Variants in OPCML observed in about 807,000 individuals in gnomAD.
OPCML encodes opioid binding protein/cell adhesion molecule like, also known as opioid-binding protein/cell adhesion molecule.
A neutral mutation model predicts 37.8 loss-of-function variants in OPCML; 13 were observed. The observed-to-expected ratio is 0.34, with a 90% CI of 0.22 to 0.55. The LOEUF is 0.55. Ranked by LOEUF, OPCML falls within the 20% of genes least tolerant of loss-of-function variation. The pLI is 0.91. For missense variants in OPCML, 341 were observed against 435.6 expected (o/e 0.78, Z 1.93); for synonymous variants, 176 against 168.8 (o/e 1.04, Z -0.33).
At chr11:133,431,103 G>A (rs1348709405) in intron 1 of OPCML, among the ~76,000 whole-genome samples, 1 of 152,076 alleles carries the variant, frequency 6.6e-6, no homozygotes, top group Non-Finnish European at 1.5e-5. Context: ...TATCTTCATT[G>A]CAAAATAAGA....
At chr11:133,005,376 T>C in intron 1 of OPCML, 1 of 985,418 alleles carries the variant, frequency 1.0e-6, no homozygotes, top group Non-Finnish European at 1.2e-6. Context: ...AAATGCCGTT[T>C]CTCAGATATC....
chr11:132,724,858 C>T (rs1483908461), intron 2 of OPCML, among the ~76,000 whole-genome samples: 1 of 152,194 alleles, frequency 6.6e-6, no homozygotes, highest in African/African-American at 2.4e-5. Flanking sequence ...TCTTAAAGCT[C>T]CAAAATGATC....
chr11:132,647,018 A>G (rs1941185277), intron 3 of OPCML, among the ~76,000 whole-genome samples: 1 of 152,234 alleles, frequency 6.6e-6, no homozygotes, highest in South Asian at 2.1e-4. Flanking sequence ...ATTAGACTAC[A>G]ATGCCTTAAG....
intron 1 of OPCML, among the ~76,000 whole-genome samples, chr11:133,337,620 C>T (rs1274140878): frequency 1.3e-5 from 2 of 152,102 alleles, no homozygotes; most frequent in Admixed American, 6.6e-5. Context: ...GAGGAAGAGA[C>T]TCCTCATATC....
intron 1 of OPCML, among the ~76,000 whole-genome samples, chr11:133,411,838 T>G (rs762940980): frequency 8.5e-5 from 13 of 152,166 alleles, no homozygotes; most frequent in South Asian, 2.1e-4. Context: ...ATGAGAAAGT[T>G]TTTCTGTTTA....
intron 1 of OPCML, among the ~76,000 whole-genome samples, chr11:133,355,087 A>G (rs75015524): frequency 0.026 from 3,907 of 152,342 alleles, 91 homozygotes; most frequent in African/African-American, 0.069. Flanking sequence ...AGTCTGCCTA[A>G]CAAAGGTAAT....
chr11:132,910,814 C>T (rs1220000939), intron 2 of OPCML, among the ~76,000 whole-genome samples: 3 of 152,250 alleles, frequency 2.0e-5, no homozygotes, highest in Admixed American at 1.3e-4. Context: ...TTGCTGTTTC[C>T]GCAATATATT....
intron 2 of OPCML, among the ~76,000 whole-genome samples, chr11:132,921,416 T>A (rs1294167448): frequency 6.6e-6 from 1 of 152,180 alleles, no homozygotes; most frequent in African/African-American, 2.4e-5. Context: ...TCTGACCACC[T>A]CCACCTCCAT....
chr11:132,664,374 G>T (rs957365096), intron 2 of OPCML, among the ~76,000 whole-genome samples: 5 of 151,806 alleles, frequency 3.3e-5, no homozygotes, highest in African/African-American at 4.8e-5. Flanking sequence ...AGAAATGCTG[G>T]GTGGAATTTT....
chr11:133,346,755 A>T (rs78766222), intron 1 of OPCML, among the ~76,000 whole-genome samples: 1 of 152,210 alleles, frequency 6.6e-6, no homozygotes, highest in African/African-American at 2.4e-5. Flanking sequence ...TGTTTGATTA[A>T]TTAATTTAAC....
In OPCML at chr11:132,417,024, T is replaced by G. The variant is rs1050487705; in HGVS notation, c.*3169A>C. 1 of 152,590 alleles carries G rather than the reference T, an allele frequency of 6.6e-6. No individual in the cohort carries two copies. Among genetic ancestry groups the G allele is most frequent in the African/African-American group, 2.4e-5 (1 of 41,428 alleles). The allele number at this position is 152,590 out of a possible 1,614,324, so 9.5% of individuals were successfully genotyped here. On this transcript the variant is annotated 3_prime_UTR_variant, in exon 8 of 8. Coordinates refer to ENST00000524381, the MANE Select transcript of OPCML (RefSeq NM_001012393.5). ...CCCTACATTGCTAATTCCTCTCACC[T>G]AATCTCCTAACAGGACTTATTTGGC...
At chr11:133,164,738 C>T (rs540718900) in intron 1 of OPCML, among the ~76,000 whole-genome samples, 75 of 152,264 alleles carry the variant, frequency 4.9e-4, no homozygotes, top group African/African-American at 1.8e-3. Flanking sequence ...TCTCCTAGAC[C>T]CAAAGTCAGT....
At chr11:132,863,059 TG>T (rs967180078) in intron 2 of OPCML, among the ~76,000 whole-genome samples, 1 of 152,206 alleles carries the variant, frequency 6.6e-6, no homozygotes, top group Admixed American at 6.5e-5. Flanking sequence ...AGACTGGGTG[TG>T]GGCAGCCTCA....
At position 133,006,267 on chromosome 11, in the gene OPCML, G is replaced by A. The variant is rs534456006; in HGVS notation, c.62-63257C>T. On this transcript the variant is annotated intron_variant, in intron 1 of 7. Transcript: ENST00000524381. ...CAAGCTGCCAGTGGGAAGTGTTCTAGCAGGGACTCTGGCCTGGTGAGAGAG... is the reference window on the plus strand; with the variant it reads ...CAAGCTGCCAGTGGGAAGTGTTCTAACAGGGACTCTGGCCTGGTGAGAGAG... 3 of 510,370 alleles carry A rather than the reference G, an allele frequency of 5.9e-6. No individual in the cohort carries two copies. The South Asian group carries it at 2.5e-4, about 43-fold the overall frequency. The allele number at this position is 510,370 out of a possible 1,614,324, so 31.6% of individuals were successfully genotyped here.
At chr11:133,502,394 C>A (rs1947936119) in intron 1 of OPCML, among the ~76,000 whole-genome samples, 1 of 152,180 alleles carries the variant, frequency 6.6e-6, no homozygotes, top group Admixed American at 6.5e-5. Flanking sequence ...TTCTCGTACA[C>A]CCCAGCGTCC....
chr11:132,677,051 G>C (rs1385721169), intron 2 of OPCML, among the ~76,000 whole-genome samples: 1 of 151,964 alleles, frequency 6.6e-6, no homozygotes, highest in Non-Finnish European at 1.5e-5. Flanking sequence ...TTATAGCAAG[G>C]TTGCAGGATA....
chr11:133,122,812 G>T (rs1949442099), intron 1 of OPCML, among the ~76,000 whole-genome samples: 1 of 152,104 alleles, frequency 6.6e-6, no homozygotes, highest in South Asian at 2.1e-4. Flanking sequence ...CTGGAATCTA[G>T]CATCTCTCTC....
At chr11:132,479,772 C>T (rs1047467369) in intron 4 of OPCML, among the ~76,000 whole-genome samples, 1 of 152,172 alleles carries the variant, frequency 6.6e-6, no homozygotes, top group Non-Finnish European at 1.5e-5. Flanking sequence ...CAGACTGACA[C>T]CTCACAGGGC....
chr11:133,241,957 A>G (rs1396844644), intron 1 of OPCML, among the ~76,000 whole-genome samples: 2 of 152,208 alleles, frequency 1.3e-5, no homozygotes, highest in African/African-American at 4.8e-5. Context: ...TATCCCAGCT[A>G]AAACCATCTA....
Sources: allele counts gnomAD v4.1 joint callset (sites outside exome capture counted in the v4.1 genomes callset), GRCh38; gene constraint gnomAD v4.1.1; transcripts MANE v1.5; gene names NCBI Gene and HGNC (gene_info 2026-07-23, HGNC 2026-07-21).